AKT3: variants seen among roughly 807,000 people sequenced by gnomAD.
AKT3 encodes the protein RAC-gamma serine/threonine-protein kinase.
A neutral mutation model predicts 65.3 loss-of-function variants in AKT3; 15 were observed. The observed-to-expected ratio is 0.23, with a 90% CI of 0.15 to 0.35. The LOEUF (loss-of-function observed/expected upper bound fraction) is 0.35, where lower values mean the gene tolerates loss of function less well. Ranked by LOEUF, AKT3 falls within the 10% of genes least tolerant of loss-of-function variation. The pLI, the probability that AKT3 is intolerant of heterozygous loss-of-function variation, is 1.00. For synonymous variants in AKT3, 206 were observed against 183.8 expected (o/e 1.12, Z -0.98); for missense variants, 243 against 576.5 (o/e 0.42, Z 5.92).
At chr1:243,658,199 GT>G (rs1404466643) in intron 4 of AKT3, among the ~76,000 whole-genome samples, 1 of 152,148 alleles carries the variant, frequency 6.6e-6, no homozygotes, top group Non-Finnish European at 1.5e-5. Context: ...CAAACCATAT[GT>G]CTGATAAGGG....
At chr1:243,776,243 A>T (rs945454312) in intron 2 of AKT3, among the ~76,000 whole-genome samples, 2 of 152,188 alleles carry the variant, frequency 1.3e-5, no homozygotes, top group Non-Finnish European at 2.9e-5. Context: ...TGACAGGTTA[A>T]ATAAGACATT....
intron 8 of AKT3, among the ~76,000 whole-genome samples, chr1:243,581,923 T>C (rs1675394690): frequency 6.6e-6 from 1 of 151,424 alleles, no homozygotes; most frequent in African/African-American, 2.4e-5. Context: ...ATTGAAAAAA[T>C]TCACATAAGG....
At chr1:243,753,952 C>T (rs1688967672) in intron 2 of AKT3, among the ~76,000 whole-genome samples, 1 of 152,190 alleles carries the variant, frequency 6.6e-6, no homozygotes, top group Non-Finnish European at 1.5e-5. Flanking sequence ...AATGTATATA[C>T]TGTCTTGAAT....
chr1:243,718,003 AC>A (rs1686618628), intron 2 of AKT3, among the ~76,000 whole-genome samples: 2 of 152,246 alleles, frequency 1.3e-5, no homozygotes, highest in South Asian at 4.1e-4. Context: ...CTATGATTAC[AC>A]CCATTAAAGT....
intron 2 of AKT3, among the ~76,000 whole-genome samples, chr1:243,759,723 A>G (rs2148239444): frequency 6.6e-6 from 1 of 152,318 alleles, no homozygotes; most frequent in South Asian, 2.1e-4. Context: ...TAAATGCTTC[A>G]CAAACCTAGG....
chr1:243,624,083 A>G (rs1326942064), intron 6 of AKT3, among the ~76,000 whole-genome samples: 1 of 152,208 alleles, frequency 6.6e-6, no homozygotes, highest in Non-Finnish European at 1.5e-5. Context: ...TCTTAGGGAC[A>G]GCTGACACAG....
intron 2 of AKT3, among the ~76,000 whole-genome samples, chr1:243,774,011 AG>A (rs1322867700): frequency 1.3e-5 from 2 of 152,202 alleles, no homozygotes; most frequent in Non-Finnish European, 2.9e-5. Flanking sequence ...TGAACAGAGA[AG>A]GATCTATGGA....
intron 2 of AKT3, among the ~76,000 whole-genome samples, chr1:243,737,682 CTT>C (rs1032831380): frequency 1.3e-5 from 2 of 152,136 alleles, no homozygotes; most frequent in Non-Finnish European, 2.9e-5. Context: ...TAGCTTTCCT[CTT>C]GAGCCAAAAA....
At chr1:243,648,599 T>G (rs1182076662) in intron 4 of AKT3, among the ~76,000 whole-genome samples, 1 of 152,194 alleles carries the variant, frequency 6.6e-6, no homozygotes, top group Non-Finnish European at 1.5e-5. Context: ...TAAAATAAGT[T>G]GAGAAGTACT....
chr1:243,503,276 C>T lies in AKT3; in HGVS notation c.*1973G>A, dbSNP rs1459040889. The T allele has an allele frequency of 4.7e-5, 11 of 233,584 alleles. No homozygotes were observed. The East Asian group carries it at 6.6e-4, about 14-fold the overall frequency. 14.5% of individuals were successfully genotyped at this position (233,584 alleles called of 1,614,324 possible). On this transcript the variant is annotated 3_prime_UTR_variant, in exon 14 of 14. Transcript: ENST00000673466. The stretch of plus-strand genomic sequence containing the variant: ...AAAATGCCCTTTAACCCCCGTCAGT[C>T]CCAGTGGCCCACCCACTGCCAGCAG...
chr1:243,808,364 C>G (rs1000033459), intron 2 of AKT3: 6 of 152,084 alleles, frequency 3.9e-5, no homozygotes, highest in Admixed American at 6.6e-5. Flanking sequence ...AACCATGGCA[C>G]GAGAACTACG....
At chr1:243,681,590 C>T (rs1683922068) in intron 3 of AKT3, among the ~76,000 whole-genome samples, 1 of 152,130 alleles carries the variant, frequency 6.6e-6, no homozygotes, top group Admixed American at 6.6e-5. Context: ...CAACTCCTGA[C>T]AACAATGAGA....
intron 2 of AKT3, among the ~76,000 whole-genome samples, chr1:243,771,182 G>A (rs1259920570): frequency 1.3e-5 from 2 of 152,126 alleles, no homozygotes; most frequent in African/African-American, 4.8e-5. Context: ...CCTCTTCTCT[G>A]AATCTTTCCC....
At chr1:243,748,008 G>A (rs965025502) in intron 2 of AKT3, among the ~76,000 whole-genome samples, 5 of 152,088 alleles carry the variant, frequency 3.3e-5, no homozygotes, top group African/African-American at 7.2e-5. Flanking sequence ...AAGGCCCAAC[G>A]GTTCTAGCAA....
At chr1:243,524,549 A>T (rs1670924402) in intron 12 of AKT3, among the ~76,000 whole-genome samples, 1 of 152,248 alleles carries the variant, frequency 6.6e-6, no homozygotes, top group Non-Finnish European at 1.5e-5. Flanking sequence ...GGCTGCACTG[A>T]ACTAACCATA....
intron 4 of AKT3, among the ~76,000 whole-genome samples, chr1:243,649,163 AATT>A (rs1681073931): frequency 6.6e-6 from 1 of 152,060 alleles, no homozygotes; most frequent in South Asian, 2.1e-4. Context: ...GATTATAAAA[AATT>A]ATGTTAATTT....
intron 2 of AKT3, among the ~76,000 whole-genome samples, chr1:243,786,685 GT>G (rs1165203400): frequency 6.6e-6 from 1 of 152,054 alleles, no homozygotes; most frequent in Non-Finnish European, 1.5e-5. Context: ...AAAGCACGGG[GT>G]GGGGGGGTGC....
At chr1:243,686,141 G>A (rs1684274405) in intron 3 of AKT3, among the ~76,000 whole-genome samples, 1 of 152,052 alleles carries the variant, frequency 6.6e-6, no homozygotes, top group African/African-American at 2.4e-5. Context: ...CCATGCTCAT[G>A]GATAGAAAGG....
chr1:243,629,773 C>T (rs1195579782), intron 6 of AKT3, among the ~76,000 whole-genome samples: 2 of 152,152 alleles, frequency 1.3e-5, no homozygotes, highest in East Asian at 3.9e-4. Flanking sequence ...GCCTGGGCGA[C>T]TGAGTGAGAC....
Sources: gnomAD v4.1 joint callset for allele counts (sites outside exome capture counted in the v4.1 genomes callset) on GRCh38, gnomAD v4.1.1 for gene constraint, MANE v1.5 for transcripts, NCBI Gene and HGNC (gene_info 2026-07-23, HGNC 2026-07-21) for gene names.